Variants in SORCS3 observed in about 807,000 individuals in gnomAD.
SORCS3 encodes the protein VPS10 domain-containing receptor SorCS3.
Under a neutral mutation model 146.3 loss-of-function variants are expected in SORCS3, and 57 were observed. The ratio of observed to expected loss-of-function variants is 0.39; its 90% CI spans 0.31 to 0.49. The LOEUF (loss-of-function observed/expected upper bound fraction) is 0.49, where lower values mean the gene tolerates loss of function less well. Ranked by LOEUF, SORCS3 falls within the 20% of genes least tolerant of loss-of-function variation. The pLI is 0.92. For missense variants in SORCS3, 1,341 were observed against 1,575.5 expected, an observed-to-expected ratio of 0.85 and a Z score of 2.52; for synonymous variants, 653 against 618.5, an observed-to-expected ratio of 1.06 and a Z score of -0.83.
rs1373799899 is a variant in SORCS3, at chr10:104,893,398, G to C, written c.696-22435G>C. Among the ~76,000 whole-genome samples, 9 of 152,286 alleles carry C rather than the reference G, an allele frequency of 5.9e-5. No homozygotes were observed. The South Asian group carries it at 1.0e-3, about 18-fold the overall frequency. On this transcript the variant is annotated intron_variant, in intron 2 of 26. Coordinates refer to ENST00000369701, the MANE Select transcript of SORCS3 (RefSeq NM_014978.3). ...CTCATTCTGAGTATAGAATGACCAAGAACAATGGCCTCTTCTGTCCACTCC... is the reference window on the plus strand; with the variant it reads ...CTCATTCTGAGTATAGAATGACCAACAACAATGGCCTCTTCTGTCCACTCC...
chr10:104,813,556 T>C (rs2017762665), intron 1 of SORCS3, among the ~76,000 whole-genome samples: 1 of 152,134 alleles, frequency 6.6e-6, no homozygotes, highest in South Asian at 2.1e-4. Flanking sequence ...CCTTAGCAAC[T>C]CATTTCCAGT....
In SORCS3 at chr10:105,137,762, A is replaced by G. The variant is rs566744248; in HGVS notation, c.1213-1635A>G. 5.9e-5 allele frequency among the ~76,000 whole-genome samples: 9 copies of G among 152,338 alleles called. No homozygotes were observed. The South Asian group carries it at 1.9e-3, about 32-fold the overall frequency. On this transcript the variant is annotated intron_variant, in intron 7 of 26. Transcript: ENST00000369701. ...ATGGGCCTTAGTAATCTGTGTTTTCACAAGCTTTCCAGGTGATTCTGATGC... is the reference window on the plus strand; with the variant it reads ...ATGGGCCTTAGTAATCTGTGTTTTCGCAAGCTTTCCAGGTGATTCTGATGC...
intron 6 of SORCS3, among the ~76,000 whole-genome samples, chr10:105,098,453 C>A (rs1469391912): frequency 6.6e-6 from 1 of 152,158 alleles, no homozygotes; most frequent in African/African-American, 2.4e-5. Context: ...CAGGGAGTGA[C>A]CCAGTGTGTA....
rs267602355 is a variant in SORCS3 at position 104,842,803 on chromosome 10, C to G, written c.639C>G (p.Ile213Met). ...WSGHNSSVIL[I>M]LTKLYDFNLG... Reference sequence around the variant, plus strand: ...CCAACCCCTTGCAGGTCATACTTATCCTGACGAAGCTGTATGACTTCAACC... The same window carrying G: ...CCAACCCCTTGCAGGTCATACTTATGCTGACGAAGCTGTATGACTTCAACC... Residue 213 changes from isoleucine (I) to methionine (M), a missense_variant, in exon 2 of 27, where the codon ATC (isoleucine) becomes ATG (methionine). Physicochemically the swap from Ile to Met is conservative, Grantham distance 10. Coordinates refer to ENST00000369701, the MANE Select transcript of SORCS3 (RefSeq NM_014978.3). The G allele has an allele frequency of 1.9e-6, 3 of 1,613,768 alleles. No homozygotes were observed. In the East Asian group the frequency reaches 6.7e-5, roughly 36 times the overall value.
At chr10:105,139,570 T>C in intron 8 of SORCS3, 84 bp downstream of exon 8, 2 of 1,075,772 alleles carry the variant, frequency 1.9e-6, no homozygotes, top group Non-Finnish European at 1.4e-6. Context: ...TACTGGGAGG[T>C]TTTATCTGTT....
At chr10:105,197,741 G>C (rs938103859) in intron 14 of SORCS3, among the ~76,000 whole-genome samples, 6 of 152,110 alleles carry the variant, frequency 3.9e-5, no homozygotes, top group Non-Finnish European at 7.4e-5. Context: ...AGAGGATCTA[G>C]CTAACATTTC....
intron 4 of SORCS3, among the ~76,000 whole-genome samples, chr10:105,015,364 C>A (rs1285119682): frequency 6.6e-6 from 1 of 152,168 alleles, no homozygotes; most frequent in East Asian, 1.9e-4. Context: ...GGAAGTAACT[C>A]AAATGCCCAT....
At chr10:105,049,242 A>C (rs1448112226) in intron 5 of SORCS3, among the ~76,000 whole-genome samples, 1 of 152,128 alleles carries the variant, frequency 6.6e-6, no homozygotes, top group Non-Finnish European at 1.5e-5. Flanking sequence ...CAGCCAACAC[A>C]CGAGTCTTCC....
At position 105,046,523 on chromosome 10, in the gene SORCS3, G is replaced by A. The variant is rs561605283; in HGVS notation, c.1028+3395G>A. Among the ~76,000 whole-genome samples, 38 of 152,200 alleles carry A rather than the reference G, an allele frequency of 2.5e-4. No homozygotes were observed. In the South Asian group the frequency reaches 5.2e-3, roughly 21 times the overall value. On this transcript the variant is annotated intron_variant, in intron 5 of 26. Coordinates refer to ENST00000369701, the MANE Select transcript of SORCS3 (RefSeq NM_014978.3). ...CCCGTGCATGTCTCTCGTCTGTTCC[G>A]TCATCTACAGTGATGATTGTTGTAA...
At chr10:104,991,244 G>A (rs1201827334) in intron 4 of SORCS3, among the ~76,000 whole-genome samples, 1 of 152,126 alleles carries the variant, frequency 6.6e-6, no homozygotes, top group Non-Finnish European at 1.5e-5. Flanking sequence ...CTATAGCAAA[G>A]TACCACAGAC....
chr10:104,891,723 C>T (rs977682920), intron 2 of SORCS3, among the ~76,000 whole-genome samples: 1 of 152,042 alleles, frequency 6.6e-6, no homozygotes, highest in African/African-American at 2.4e-5. Flanking sequence ...ATCAGAAGTA[C>T]CTATGCTTTA....
intron 2 of SORCS3, among the ~76,000 whole-genome samples, chr10:104,883,961 G>A (rs1194501123): frequency 2.2e-5 from 3 of 134,972 alleles, no homozygotes; most frequent in Non-Finnish European, 4.6e-5. Flanking sequence ...TACATCCACT[G>A]TTCTGCTGTG....
chr10:104,922,973 A>C (rs1371005423), intron 3 of SORCS3, among the ~76,000 whole-genome samples: 1 of 152,226 alleles, frequency 6.6e-6, no homozygotes, highest in Non-Finnish European at 1.5e-5. Context: ...CCTTCAGTGC[A>C]AAGGGACTTT....
intron 3 of SORCS3, among the ~76,000 whole-genome samples, chr10:104,957,636 C>G (rs2019509404): frequency 6.6e-6 from 1 of 152,060 alleles, no homozygotes; most frequent in South Asian, 2.1e-4. Flanking sequence ...TCCTCTGTTT[C>G]TTACCTCTTC....
At chr10:104,805,227 A>G (rs1475394881) in intron 1 of SORCS3, among the ~76,000 whole-genome samples, 3 of 152,176 alleles carry the variant, frequency 2.0e-5, no homozygotes, top group African/African-American at 7.2e-5. Context: ...AGAGATGCAG[A>G]TGCAAATTGT....
At chr10:104,683,852 T>A (rs2016010479) in intron 1 of SORCS3, among the ~76,000 whole-genome samples, 1 of 152,166 alleles carries the variant, frequency 6.6e-6, no homozygotes, top group Non-Finnish European at 1.5e-5. Flanking sequence ...GCATCTTCTA[T>A]ATGCTGGGCT....
chr10:104,975,892 C>A (rs557112815), intron 3 of SORCS3, among the ~76,000 whole-genome samples: 1 of 152,158 alleles, frequency 6.6e-6, no homozygotes, highest in African/African-American at 2.4e-5. Context: ...CTTCCTTACA[C>A]CTTATACAAA....
intron 3 of SORCS3, among the ~76,000 whole-genome samples, chr10:104,944,795 C>T (rs919681131): frequency 6.6e-6 from 1 of 152,104 alleles, no homozygotes; most frequent in Non-Finnish European, 1.5e-5. Flanking sequence ...GGCAGTGTCT[C>T]CTAAAGCTGA....
intron 16 of SORCS3, among the ~76,000 whole-genome samples, chr10:105,203,370 G>A (rs910264558): frequency 1.3e-5 from 2 of 152,036 alleles, no homozygotes; most frequent in Non-Finnish European, 2.9e-5. Context: ...AGTGCAGTAG[G>A]CCACTCAAAA....
Sources: allele counts gnomAD v4.1 joint callset (sites outside exome capture counted in the v4.1 genomes callset), GRCh38; gene constraint gnomAD v4.1.1; transcripts MANE v1.5; gene names NCBI Gene and HGNC (gene_info 2026-07-23, HGNC 2026-07-21).